P2RX5: variants seen among roughly 807,000 people sequenced by gnomAD.
The protein encoded by P2RX5 is P2X purinoceptor 5.
Under a neutral mutation model 54.1 loss-of-function variants are expected in P2RX5, and 46 were observed. The observed-to-expected ratio is 0.85, with a 90% CI of 0.67 to 1.09. The LOEUF (loss-of-function observed/expected upper bound fraction) is 1.09, where lower values mean the gene tolerates loss of function less well. Among genes scored for constraint, P2RX5 ranks in the 50% least tolerant of loss-of-function variants. The pLI is 0.00. For missense variants in P2RX5, 566 were observed against 549.8 expected (o/e 1.03, Z -0.29); for synonymous variants, 226 against 226.4 (o/e 1.00, Z 0.02).
chr17:3,716,100 A>C, the P2RX5 span, among the ~76,000 whole-genome samples: 79,854 of 150,358 alleles, frequency 0.53, 22,005 homozygotes, highest in African/African-American at 0.65. Context: ...GGTGGGGGGA[A>C]GGGAAGGTTG....
chr17:3,682,021 G>T, intron 9 of P2RX5, 43 bp from the exon 10 acceptor site: 1 of 1,384,054 alleles, frequency 7.2e-7, no homozygotes, highest in South Asian at 1.2e-5. Context: ...AGACCTCTGA[G>T]AGCACTGTTC....
chr17:3,677,590 G>A, intron 11 of P2RX5: 1 of 985,414 alleles, frequency 1.0e-6, no homozygotes, highest in Non-Finnish European at 1.2e-6. Flanking sequence ...CGGAAACCCT[G>A]CTAGAGGCTA....
At chr17:3,710,403 G>C in the P2RX5 span, among the ~76,000 whole-genome samples, 13 of 151,128 alleles carry the variant, frequency 8.6e-5, no homozygotes, top group Non-Finnish European at 1.6e-4. Context: ...CTCCAGCCTG[G>C]GAGAAAGAGC....
intron 2 of P2RX5, among the ~76,000 whole-genome samples, chr17:3,691,416 G>C (rs866465311): frequency 4.8e-4 from 73 of 152,250 alleles, no homozygotes; most frequent in African/African-American, 8.4e-4. Context: ...GTTCTCAGCA[G>C]ACTCAGATAG....
the P2RX5 span, chr17:3,718,438 G>A: frequency 6.6e-6 from 1 of 152,264 alleles, no homozygotes; most frequent in Non-Finnish European, 1.5e-5. Context: ...CAGAGTACAA[G>A]GACCAAAGAA....
At chr17:3,679,865 A>T in intron 10 of P2RX5, 81 bp from the exon 11 acceptor site, 1 of 1,257,512 alleles carries the variant, frequency 8.0e-7, no homozygotes, top group Admixed American at 1.8e-5. Context: ...GGCCTTGAAG[A>T]ATCCCTCGCC....
At chr17:3,684,953 C>G (rs2050397767) in intron 9 of P2RX5, among the ~76,000 whole-genome samples, 1 of 148,140 alleles carries the variant, frequency 6.8e-6, no homozygotes, top group Admixed American at 7.0e-5. Context: ...TCAAGCGATT[C>G]TCCTGCCTCA....
the P2RX5 span, chr17:3,720,278 G>GCACTACTCAGAAGC: frequency 9.2e-7 from 1 of 1,083,672 alleles, no homozygotes. Flanking sequence ...TTTTCCTTGG[G>GCACTACTCAGAAGC]CACTACTCAG....
At chr17:3,695,023 C>T (rs952786724) in intron 1 of P2RX5, among the ~76,000 whole-genome samples, 1 of 152,208 alleles carries the variant, frequency 6.6e-6, no homozygotes, top group Non-Finnish European at 1.5e-5. Context: ...TCAGAGAACG[C>T]GGACTGCTGG....
Position 3,688,669 on chromosome 17 carries a change from C to T in P2RX5, c.844G>A (p.Asp282Asn), listed in dbSNP as rs1330821544. 3 of 1,614,088 alleles carry T rather than the reference C, an allele frequency of 1.9e-6. No homozygotes were observed. The highest frequency in any genetic ancestry group is 2.5e-6 in the Non-Finnish European group (3 of 1,179,990). ...CHPHYSFSRLDNKLSKSVSSG... is the reference protein window; with the variant it reads ...CHPHYSFSRLNNKLSKSVSSG... ...GAGACAGACTTTGAAAGTTTATTGTCCAGACGGCTAAAAGAATAGTGAGGG... is the reference window on the plus strand; with the variant it reads ...GAGACAGACTTTGAAAGTTTATTGTTCAGACGGCTAAAAGAATAGTGAGGG... Residue 282 changes from aspartate to asparagine, a missense_variant, in exon 8 of 12, where the codon GAC becomes AAC. Asp to Asn is a conservative substitution (Grantham distance 23, BLOSUM62 1). Coordinates refer to ENST00000225328, the MANE Select transcript of P2RX5 (RefSeq NM_002561.4).
the P2RX5 span, among the ~76,000 whole-genome samples, chr17:3,718,537 G>A: frequency 1.3e-5 from 2 of 152,306 alleles, no homozygotes; most frequent in Admixed American, 1.3e-4. Context: ...CTTTCTTGTG[G>A]CTGAAATGCA....
chr17:3,704,083 C>G, the P2RX5 span, among the ~76,000 whole-genome samples: 1 of 148,996 alleles, frequency 6.7e-6, no homozygotes, highest in Non-Finnish European at 1.5e-5. Context: ...GCCTCGGCAA[C>G]AAGAGCAAAA....
chr17:3,714,763 T>C, the P2RX5 span: 1 of 764,442 alleles, frequency 1.3e-6, no homozygotes, highest in African/African-American at 1.7e-5. Context: ...CTCTAGATCA[T>C]CCTGAAGGAA....
chr17:3,703,182 G>A, the P2RX5 span, among the ~76,000 whole-genome samples: 1 of 152,104 alleles, frequency 6.6e-6, no homozygotes, highest in African/African-American at 2.4e-5. Context: ...TTTAGAGACA[G>A]GGGAATTACT....
chr17:3,709,509 C>A, the P2RX5 span, among the ~76,000 whole-genome samples: 1 of 152,186 alleles, frequency 6.6e-6, no homozygotes, highest in Non-Finnish European at 1.5e-5. Flanking sequence ...CTAAGCCAGG[C>A]ACAGTGGCAC....
chr17:3,698,195 G>A (rs557619818), upstream of P2RX5, among the ~76,000 whole-genome samples: 16 of 152,098 alleles, frequency 1.1e-4, no homozygotes, highest in South Asian at 2.1e-4. Flanking sequence ...TAAAGCAGCC[G>A]CCACCGAGTG....
chr17:3,692,442 C>T (rs1398584948), intron 1 of P2RX5, among the ~76,000 whole-genome samples: 1 of 152,220 alleles, frequency 6.6e-6, no homozygotes, highest in Non-Finnish European at 1.5e-5. Flanking sequence ...ATTTCCCATA[C>T]ATAACATGGG....
At chr17:3,678,234 C>T (rs183215033) in intron 11 of P2RX5, 11 of 282,440 alleles carry the variant, frequency 3.9e-5, no homozygotes, top group African/African-American at 2.5e-4. Context: ...CCTGGCAGCA[C>T]TGCAGGCAGG....
the P2RX5 span, among the ~76,000 whole-genome samples, chr17:3,705,258 T>A: frequency 5.3e-5 from 8 of 152,286 alleles, no homozygotes; most frequent in Admixed American, 5.2e-4. Flanking sequence ...GAAACCCACG[T>A]ATCAAATACC....
Sources: gnomAD v4.1 joint callset for allele counts (sites outside exome capture counted in the v4.1 genomes callset) on GRCh38, gnomAD v4.1.1 for gene constraint, MANE v1.5 for transcripts, NCBI Gene and HGNC (gene_info 2026-07-23, HGNC 2026-07-21) for gene names.